Variants in S100Z observed in about 807,000 individuals in gnomAD.
S100Z encodes protein S100-Z.
S100Z carries 11 observed loss-of-function variants against 8.5 expected under a neutral mutation model. The observed-to-expected ratio is 1.30, with a 90% CI of 0.82 to 2.15. The LOEUF (loss-of-function observed/expected upper bound fraction) is 2.15, where lower values mean the gene tolerates loss of function less well. Among genes scored for constraint, S100Z ranks in the 30% most tolerant of loss-of-function variants. The pLI is 0.00. For missense variants in S100Z, 126 were observed against 117.9 expected (o/e 1.07, Z -0.32); for synonymous variants, 34 against 43.8 (o/e 0.78, Z 0.89).
At chr5:76,903,257 A>G (rs952879997) in intron 4 of S100Z, among the ~76,000 whole-genome samples, 10 of 152,212 alleles carry the variant, frequency 6.6e-5, no homozygotes, top group South Asian at 2.1e-4. Context: ...TCCCCTAGAG[A>G]CCACTGATTA....
intron 4 of S100Z, among the ~76,000 whole-genome samples, chr5:76,893,624 C>T (rs1276621011): frequency 2.0e-5 from 3 of 152,044 alleles, no homozygotes; most frequent in African/African-American, 7.2e-5. Context: ...CAATTATGTT[C>T]GGTGCCTCCA....
intron 1 of S100Z, among the ~76,000 whole-genome samples, chr5:76,861,559 G>A (rs556540108): frequency 2.3e-4 from 35 of 152,194 alleles, no homozygotes; most frequent in Non-Finnish European, 4.1e-4. Flanking sequence ...GGCTGGTCTC[G>A]AACTCCTGAC....
At chr5:76,894,028 A>C (rs77800743) in intron 4 of S100Z, among the ~76,000 whole-genome samples, 2,225 of 152,294 alleles carry the variant, frequency 0.015, 66 homozygotes, top group East Asian at 0.12. Flanking sequence ...GGTTCAGGTC[A>C]TGAAGGGAAG....
chr5:76,952,806 T>G, the S100Z span: 1 of 315,952 alleles, frequency 3.2e-6, no homozygotes, highest in Non-Finnish European at 6.0e-6. Flanking sequence ...CCTTATTCTT[T>G]GTCTCCGCCT....
intron 4 of S100Z, among the ~76,000 whole-genome samples, chr5:76,885,854 G>A (rs1055487604): frequency 6.1e-5 from 9 of 147,580 alleles, no homozygotes; most frequent in Non-Finnish European, 1.0e-4. Context: ...AGGGGTGGGG[G>A]GTGCTTGTTC....
chr5:76,941,718 C>A, the S100Z span, among the ~76,000 whole-genome samples: 9,490 of 152,128 alleles, frequency 0.062, 390 homozygotes, highest in Middle Eastern at 0.13. Context: ...TCCACCCCTC[C>A]CTTCCCCCTT....
chr5:76,943,574 G>A, the S100Z span, among the ~76,000 whole-genome samples: 2 of 152,108 alleles, frequency 1.3e-5, no homozygotes, highest in Admixed American at 1.3e-4. Flanking sequence ...CCCATTCGGT[G>A]CCCAGGAGGC....
intron 4 of S100Z, among the ~76,000 whole-genome samples, chr5:76,897,537 A>G (rs1326504353): frequency 6.6e-6 from 1 of 152,016 alleles, no homozygotes; most frequent in Non-Finnish European, 1.5e-5. Context: ...TGTTATCTTG[A>G]TAAGGATTGC....
the S100Z span, among the ~76,000 whole-genome samples, chr5:76,947,029 G>C: frequency 6.6e-6 from 1 of 152,200 alleles, no homozygotes; most frequent in East Asian, 1.9e-4. Context: ...ACAATTGTGT[G>C]AAGCACATTA....
chr5:76,933,245 G>A, the S100Z span, among the ~76,000 whole-genome samples: 1 of 152,220 alleles, frequency 6.6e-6, no homozygotes, highest in African/African-American at 2.4e-5. Context: ...TCTCTACTGT[G>A]TTGCTGGGTG....
intron 1 of S100Z, among the ~76,000 whole-genome samples, chr5:76,853,961 A>C (rs891141868): frequency 6.6e-6 from 1 of 151,990 alleles, no homozygotes; most frequent in Non-Finnish European, 1.5e-5. Context: ...GGTTGTTTGA[A>C]AGATCTTTCT....
At chr5:76,882,640 A>G (rs1040362024) in intron 4 of S100Z, among the ~76,000 whole-genome samples, 1 of 152,228 alleles carries the variant, frequency 6.6e-6, no homozygotes, top group Non-Finnish European at 1.5e-5. Context: ...GTCAGACGTG[A>G]TCAGCAGGGA....
intron 4 of S100Z, among the ~76,000 whole-genome samples, chr5:76,894,407 G>A (rs1271013805): frequency 1.3e-5 from 2 of 152,124 alleles, no homozygotes; most frequent in Non-Finnish European, 2.9e-5. Flanking sequence ...GCTGTGTCAT[G>A]GGTCATGGTC....
At chr5:76,875,726 A>G (rs550144037) in intron 3 of S100Z, among the ~76,000 whole-genome samples, 1 of 152,252 alleles carries the variant, frequency 6.6e-6, no homozygotes, top group African/African-American at 2.4e-5. Context: ...CTAAGTGGTA[A>G]AAATTGTATT....
intron 4 of S100Z, among the ~76,000 whole-genome samples, chr5:76,894,962 T>C (rs1035522819): frequency 6.6e-6 from 1 of 152,154 alleles, no homozygotes; most frequent in African/African-American, 2.4e-5. Flanking sequence ...GCTATGTTGT[T>C]TATTTTTAGT....
intron 4 of S100Z, among the ~76,000 whole-genome samples, chr5:76,916,842 A>C (rs1312202097): frequency 3.9e-5 from 6 of 152,198 alleles, no homozygotes; most frequent in African/African-American, 1.4e-4. Flanking sequence ...AGGATATTTC[A>C]AGGCTGGGAG....
chr5:76,899,420 T>C (rs779440025), intron 4 of S100Z, among the ~76,000 whole-genome samples: 4 of 151,966 alleles, frequency 2.6e-5, no homozygotes, highest in Non-Finnish European at 5.9e-5. Context: ...TGGTCTTCTC[T>C]TCCTTCTTTC....
chr5:76,922,716 G>A (rs1348903971), downstream of S100Z, among the ~76,000 whole-genome samples: 1 of 152,010 alleles, frequency 6.6e-6, no homozygotes, highest in East Asian at 1.9e-4. Context: ...GTAGAGATGG[G>A]GTTTCACCGT....
chr5:76,865,487 T>G (rs1013596287), intron 1 of S100Z, among the ~76,000 whole-genome samples: 3 of 150,848 alleles, frequency 2.0e-5, no homozygotes, highest in Non-Finnish European at 3.0e-5. Flanking sequence ...CCTCAGGTGA[T>G]CCACCTGCCT....
Sources: allele counts gnomAD v4.1 joint callset (sites outside exome capture counted in the v4.1 genomes callset), GRCh38; gene constraint gnomAD v4.1.1; transcripts MANE v1.5; gene names NCBI Gene and HGNC (gene_info 2026-07-23, HGNC 2026-07-21).